Variants in SRGAP1 observed in about 807,000 individuals in gnomAD.
SRGAP1 encodes SLIT-ROBO Rho GTPase activating protein 1.
SRGAP1 carries 43 observed loss-of-function variants against 121.9 expected under a neutral mutation model. The ratio of observed to expected loss-of-function variants is 0.35; its 90% CI spans 0.28 to 0.46. SRGAP1 has a LOEUF of 0.46. Among genes scored for constraint, SRGAP1 ranks in the 20% least tolerant of loss-of-function variants. The pLI is 1.00. For synonymous variants in SRGAP1, 447 were observed against 485.4 expected (o/e 0.92, Z 1.04); for missense variants, 1,102 against 1,350.9 (o/e 0.82, Z 2.89).
At chr12:63,869,427 CT>C (rs988727644) in intron 1 of SRGAP1, among the ~76,000 whole-genome samples, 3 of 152,068 alleles carry the variant, frequency 2.0e-5, no homozygotes, top group African/African-American at 4.8e-5. Context: ...CCAGCACATG[CT>C]TTTTGGGGGA....
intron 1 of SRGAP1, among the ~76,000 whole-genome samples, chr12:63,907,669 C>T (rs544693838): frequency 1.3e-5 from 2 of 152,240 alleles, no homozygotes; most frequent in East Asian, 1.9e-4. Flanking sequence ...TCTGTCATCC[C>T]GTGTGTTGTC....
chr12:64,133,715 C>T (rs2036819103), intron 21 of SRGAP1, among the ~76,000 whole-genome samples: 1 of 152,126 alleles, frequency 6.6e-6, no homozygotes. Context: ...TAAACTGGGT[C>T]AAGTCTGGAA....
chr12:63,900,212 T>TCTTTTTTC (rs1555236574), intron 1 of SRGAP1, among the ~76,000 whole-genome samples: 2 of 127,114 alleles, frequency 1.6e-5, no homozygotes, highest in Admixed American at 7.8e-5. Context: ...TTCTTTTTTT[T>TCTTTTTTC]TTTTTTTTTT....
chr12:63,919,142 TCA>T (rs2136324931), intron 1 of SRGAP1, among the ~76,000 whole-genome samples: 1 of 152,212 alleles, frequency 6.6e-6, no homozygotes, highest in Admixed American at 6.5e-5. Context: ...AACCTCCGCC[TCA>T]CGGATTGGAG....
intron 1 of SRGAP1, among the ~76,000 whole-genome samples, chr12:63,951,152 C>CTTTTTTTTTTTTTTTTTTTTTTTTTTT (rs58637983): frequency 2.3e-5 from 1 of 44,184 alleles, no homozygotes; most frequent in African/African-American, 8.4e-5. Context: ...ATTTAGAACT[C>CTTTTTTTTTTTTTTTTTTTTTTTTTTT]TTTTTTTTTT....
At chr12:64,124,603 G>C (rs954238486) in intron 18 of SRGAP1, among the ~76,000 whole-genome samples, 6 of 152,142 alleles carry the variant, frequency 3.9e-5, no homozygotes, top group African/African-American at 1.4e-4. Context: ...TTGTGGGAGA[G>C]GGGAGCAAAG....
At chr12:64,082,183 T>C (rs946870653) in intron 10 of SRGAP1, among the ~76,000 whole-genome samples, 1 of 152,002 alleles carries the variant, frequency 6.6e-6, no homozygotes, top group Non-Finnish European at 1.5e-5. Context: ...GAGCATGAAG[T>C]AGTGGGGGAA....
At chr12:63,998,989 A>G (rs1485901552) in intron 3 of SRGAP1, among the ~76,000 whole-genome samples, 3 of 152,064 alleles carry the variant, frequency 2.0e-5, no homozygotes, top group South Asian at 2.1e-4. Flanking sequence ...TACAATTACA[A>G]TCTTAATTAC....
At chr12:63,951,926 G>A (rs191529313) in intron 1 of SRGAP1, among the ~76,000 whole-genome samples, 51 of 152,126 alleles carry the variant, frequency 3.4e-4, no homozygotes, top group African/African-American at 1.2e-3. Flanking sequence ...ATCCAGTTTT[G>A]GGTTTGTGTG....
At chr12:64,001,101 C>G (rs1182232289) in intron 3 of SRGAP1, among the ~76,000 whole-genome samples, 4 of 152,088 alleles carry the variant, frequency 2.6e-5, no homozygotes, top group Non-Finnish European at 5.9e-5. Flanking sequence ...GAGCCTCAAG[C>G]TTGCATGACT....
intron 10 of SRGAP1, 114 bp downstream of exon 10, chr12:64,080,484 G>C: frequency 1.1e-6 from 1 of 940,736 alleles, no homozygotes. Context: ...AGGACACTCT[G>C]TGTTTAGATT....
chr12:64,072,599 G>A (rs966971316), intron 8 of SRGAP1, among the ~76,000 whole-genome samples: 1 of 152,078 alleles, frequency 6.6e-6, no homozygotes, highest in African/African-American at 2.4e-5. Context: ...GGAGAAGATG[G>A]CCATCTGCAA....
chr12:63,946,007 C>T (rs1417864788), intron 1 of SRGAP1, among the ~76,000 whole-genome samples: 3 of 150,746 alleles, frequency 2.0e-5, no homozygotes, highest in African/African-American at 7.4e-5. Flanking sequence ...ACATACCTTC[C>T]TACCTGGTTC....
rs2036860170 is a variant in SRGAP1 at position 64,136,608 on chromosome 12, T to A, written c.2881-5687T>A. 2.6e-5 allele frequency among the ~76,000 whole-genome samples: 4 copies of A among 152,202 alleles called. No individual in the cohort carries two copies. The South Asian group carries it at 8.3e-4, about 31-fold the overall frequency. On this transcript the variant is annotated intron_variant, in intron 21 of 21. Transcript: ENST00000355086. ...CAAATGTCCAAGCTATTTTGAGTGT[T>A]CTAACTAAAAAGAATTTTGGATAGC...
At chr12:63,920,087 C>T (rs184249751) in intron 1 of SRGAP1, among the ~76,000 whole-genome samples, 105 of 152,244 alleles carry the variant, frequency 6.9e-4, no homozygotes, top group Admixed American at 1.9e-3. Flanking sequence ...CATTGTTTTC[C>T]GAAGGAGCAT....
chr12:64,137,961 A>AAAAAAAT (rs372355390), intron 21 of SRGAP1, among the ~76,000 whole-genome samples: 58 of 139,678 alleles, frequency 4.2e-4, no homozygotes, highest in Middle Eastern at 3.7e-3. Flanking sequence ...TTAAAAAAAA[A>AAAAAAAT]ATATATATAT....
intron 1 of SRGAP1, among the ~76,000 whole-genome samples, chr12:63,956,397 G>A (rs1052809160): frequency 4.2e-4 from 64 of 152,078 alleles, no homozygotes; most frequent in Admixed American, 3.9e-4. Flanking sequence ...CTGTTATATA[G>A]GCACTAGGTA....
Position 64,160,884 on chromosome 12 carries a change from A to G in SRGAP1, c.*18212A>G, listed in dbSNP as rs571484184. 56 of 152,312 alleles carry G rather than the reference A, an allele frequency of 3.7e-4. No homozygotes were observed. The highest frequency in any genetic ancestry group is 1.3e-3 in the African/African-American group (52 of 41,582). 9.4% of individuals were successfully genotyped at this position (152,312 alleles called of 1,614,324 possible). A position where few individuals can be genotyped will look rare whatever the true frequency, so the allele number is the denominator to read the frequency against. On this transcript the variant is annotated 3_prime_UTR_variant, in exon 22 of 22. Coordinates refer to ENST00000355086, the MANE Select transcript of SRGAP1 (RefSeq NM_020762.4). ...GCATTATGAATCATTTCCCCTCAGG[A>G]TTTTGGAGATGTTGCATCAGTGTTG...
intron 4 of SRGAP1, among the ~76,000 whole-genome samples, chr12:64,036,344 C>T (rs374370093): frequency 6.6e-6 from 1 of 152,174 alleles, no homozygotes. Context: ...TGGGCGTGGG[C>T]TTCCAAGGCT....
Sources: allele counts gnomAD v4.1 joint callset (sites outside exome capture counted in the v4.1 genomes callset), GRCh38; gene constraint gnomAD v4.1.1; transcripts MANE v1.5; gene names NCBI Gene and HGNC (gene_info 2026-07-23, HGNC 2026-07-21).